Variants in SLC9A9 observed in about 807,000 individuals in gnomAD.
The protein encoded by SLC9A9 is sodium/hydrogen exchanger 9.
SLC9A9 carries 62 observed loss-of-function variants against 77.8 expected under a neutral mutation model. The observed-to-expected ratio is 0.80, with a 90% CI of 0.65 to 0.98. SLC9A9 has a LOEUF of 0.98. Ranked by LOEUF, SLC9A9 falls within the 50% of genes least tolerant of loss-of-function variation. The pLI, the probability that SLC9A9 is intolerant of heterozygous loss-of-function variation, is 0.00. For synonymous variants in SLC9A9, 320 were observed against 283.5 expected (o/e 1.13, Z -1.29); for missense variants, 775 against 774.9 (o/e 1.00, Z 0.00).
intron 12 of SLC9A9, among the ~76,000 whole-genome samples, chr3:143,446,829 G>A (rs1398439898): frequency 6.6e-6 from 1 of 152,124 alleles, no homozygotes; most frequent in Non-Finnish European, 1.5e-5. Context: ...GCACATTTGG[G>A]GGAAATTAAA....
intron 6 of SLC9A9, among the ~76,000 whole-genome samples, chr3:143,640,885 T>A (rs2108738012): frequency 6.6e-6 from 1 of 152,194 alleles, no homozygotes; most frequent in African/African-American, 2.4e-5. Flanking sequence ...AACTGATTTG[T>A]TGCCTAGAAA....
At chr3:143,537,436 G>A (rs1377716185) in intron 9 of SLC9A9, among the ~76,000 whole-genome samples, 1 of 152,062 alleles carries the variant, frequency 6.6e-6, no homozygotes, top group Non-Finnish European at 1.5e-5. Flanking sequence ...ACTGCAGCCT[G>A]TGCTCCCTCC....
chr3:143,437,576 A>G (rs934410960), intron 12 of SLC9A9, among the ~76,000 whole-genome samples: 1 of 152,266 alleles, frequency 6.6e-6, no homozygotes, highest in African/African-American at 2.4e-5. Flanking sequence ...GAAGAACGTT[A>G]GAGGCCCGAG....
chr3:143,752,680 T>G (rs1219953936), intron 4 of SLC9A9, among the ~76,000 whole-genome samples: 1 of 116,834 alleles, frequency 8.6e-6, no homozygotes, highest in Non-Finnish European at 1.7e-5. Context: ...TGTGAAAAGG[T>G]TTTTTTTTTT....
At chr3:143,720,841 A>G (rs1012644823) in intron 4 of SLC9A9, among the ~76,000 whole-genome samples, 7 of 152,232 alleles carry the variant, frequency 4.6e-5, no homozygotes, top group Non-Finnish European at 8.8e-5. Context: ...TTGGCTGTCT[A>G]GGGATGGGAA....
intron 6 of SLC9A9, chr3:143,627,486 CT>C: frequency 4.5e-6 from 1 of 224,198 alleles, no homozygotes; most frequent in Non-Finnish European, 9.5e-6. Context: ...AGCCCTCAAA[CT>C]TTTGGTGTGC....
intron 13 of SLC9A9, among the ~76,000 whole-genome samples, chr3:143,377,872 C>T (rs1352568751): frequency 6.6e-6 from 1 of 152,214 alleles, no homozygotes; most frequent in Non-Finnish European, 1.5e-5. Context: ...CATCCGCTCC[C>T]ACCTTGCTTA....
chr3:143,581,407 G>C (rs763227646), intron 6 of SLC9A9, among the ~76,000 whole-genome samples: 2 of 152,092 alleles, frequency 1.3e-5, no homozygotes, highest in African/African-American at 2.4e-5. Context: ...AGCTTTATTT[G>C]ATCCTATAAT....
intron 9 of SLC9A9, among the ~76,000 whole-genome samples, chr3:143,542,063 G>A (rs185613967): frequency 1.7e-4 from 26 of 152,314 alleles, no homozygotes; most frequent in African/African-American, 6.0e-4. Flanking sequence ...GGCTTCTCAA[G>A]TAGGGAAATA....
rs1406022553 is a variant in SLC9A9, at chr3:143,573,698, A to G, written c.1000+390T>C. Among the ~76,000 whole-genome samples the G allele has an allele frequency of 3.3e-5, 5 of 152,252 alleles. No homozygotes were observed. The East Asian group carries it at 9.7e-4, about 29-fold the overall frequency. On this transcript the variant is annotated intron_variant, in intron 8 of 15. Transcript: ENST00000316549. Reference sequence around the variant, plus strand: ...TACCTACCCTAGAGAGCCTGCTAACATTGAAACCTACTGTTAAGAGCCACT... The same window carrying G: ...TACCTACCCTAGAGAGCCTGCTAACGTTGAAACCTACTGTTAAGAGCCACT...
intron 12 of SLC9A9, among the ~76,000 whole-genome samples, chr3:143,413,873 AG>A (rs1205691490): frequency 1.3e-5 from 2 of 152,302 alleles, no homozygotes; most frequent in East Asian, 3.9e-4. Context: ...TGCTCTAAGC[AG>A]TCTTACGTGG....
At chr3:143,514,941 T>G (rs112433838) in intron 9 of SLC9A9, among the ~76,000 whole-genome samples, 3,094 of 152,352 alleles carry the variant, frequency 0.02, 101 homozygotes, top group African/African-American at 0.069. Context: ...TTGGCTGTTT[T>G]GTGCAAGAGA....
chr3:143,739,104 A>G (rs1446101445), intron 4 of SLC9A9, among the ~76,000 whole-genome samples: 1 of 152,088 alleles, frequency 6.6e-6, no homozygotes, highest in Non-Finnish European at 1.5e-5. Flanking sequence ...GGTGAAGCTG[A>G]AAGTTCCAAC....
chr3:143,433,891 T>A lies in SLC9A9; in HGVS notation c.1469+33146A>T, dbSNP rs553772080. ...GGTTTTGAAGTATAGATAACCTATA[T>A]CTTCTATACCTTTGCATGCCAGGTT... On this transcript the variant is annotated intron_variant, in intron 12 of 15. Coordinates refer to ENST00000316549, the MANE Select transcript of SLC9A9 (RefSeq NM_173653.4). Among the ~76,000 whole-genome samples the A allele has an allele frequency of 5.3e-5, 8 of 152,312 alleles. No individual in the cohort carries two copies. In the South Asian group the frequency reaches 1.2e-3, roughly 24 times the overall value.
chr3:143,418,584 T>G (rs1428602041), intron 12 of SLC9A9, among the ~76,000 whole-genome samples: 2 of 152,120 alleles, frequency 1.3e-5, no homozygotes, highest in Non-Finnish European at 2.9e-5. Flanking sequence ...GTTTCTGTAT[T>G]CTTAAGTCAG....
chr3:143,396,269 A>AT (rs776523633), intron 12 of SLC9A9, among the ~76,000 whole-genome samples: 42 of 152,256 alleles, frequency 2.8e-4, no homozygotes, highest in Non-Finnish European at 4.4e-4. Context: ...CTATGCAGCC[A>AT]TAAAAAATGA....
intron 2 of SLC9A9, among the ~76,000 whole-genome samples, chr3:143,813,336 C>T (rs904159834): frequency 2.0e-5 from 3 of 152,152 alleles, no homozygotes; most frequent in Non-Finnish European, 4.4e-5. Flanking sequence ...CACCTGTGAT[C>T]CATTAACACA....
chr3:143,528,398 G>A (rs965125824), intron 9 of SLC9A9, among the ~76,000 whole-genome samples: 4 of 152,206 alleles, frequency 2.6e-5, no homozygotes, highest in African/African-American at 9.7e-5. Context: ...ATTATGATGA[G>A]TTTGGAAATT....
intron 6 of SLC9A9, among the ~76,000 whole-genome samples, chr3:143,621,340 A>G (rs1274543592): frequency 2.0e-5 from 3 of 152,180 alleles, no homozygotes; most frequent in Non-Finnish European, 4.4e-5. Flanking sequence ...CTGACCCCCG[A>G]ATAGCCTAAC....
Sources: gnomAD v4.1 joint callset for allele counts (sites outside exome capture counted in the v4.1 genomes callset) on GRCh38, gnomAD v4.1.1 for gene constraint, MANE v1.5 for transcripts, NCBI Gene and HGNC (gene_info 2026-07-23, HGNC 2026-07-21) for gene names.